The following VDAC1 variants were observed in gnomAD, a reference collection of about 807,000 sequenced individuals.
VDAC1 encodes the protein non-selective voltage-gated ion channel VDAC1.
Under a neutral mutation model 34.7 loss-of-function variants are expected in VDAC1, and 10 were observed. The observed-to-expected ratio is 0.29, with a 90% CI of 0.18 to 0.49. The LOEUF (loss-of-function observed/expected upper bound fraction) is 0.49, where lower values mean the gene tolerates loss of function less well. Among genes scored for constraint, VDAC1 ranks in the 20% least tolerant of loss-of-function variants. The probability of loss-of-function intolerance (pLI) is 0.99; values close to 1 mark genes in which losing one functional copy is unlikely to be tolerated. For missense variants in VDAC1, 230 were observed against 347.9 expected (o/e 0.66, Z 2.69); for synonymous variants, 130 against 136.0 (o/e 0.96, Z 0.30).
chr5:134,005,093 T>G (rs1423725228), upstream of VDAC1: 1 of 152,166 alleles, frequency 6.6e-6, no homozygotes, highest in Non-Finnish European at 1.5e-5. Context: ...GAGGAGGCCT[T>G]CCGATTCTCT....
Position 133,980,807 on chromosome 5 carries a change from T to C in VDAC1, c.473A>G (p.Glu158Gly). 2 of 1,611,532 alleles carry C rather than the reference T, an allele frequency of 1.2e-6. No homozygotes were observed. The highest frequency in any genetic ancestry group is 1.7e-6 in the Non-Finnish European group (2 of 1,179,274). ...GWLAGYQMNFETAKSRVTQSN... is the reference protein window; with the variant it reads ...GWLAGYQMNFGTAKSRVTQSN... Reference sequence around the variant, plus strand: ...CTGGGTCACTCGGGATTTTGCAGTCTCAAAATTCATCTGGTAGCCGGCCAG... The same window carrying C: ...CTGGGTCACTCGGGATTTTGCAGTCCCAAAATTCATCTGGTAGCCGGCCAG... The change falls in exon 6 of 9, where the codon GAG becomes GGG. Residue 158 changes from glutamate to glycine, a missense_variant. Coordinates refer to ENST00000265333, the MANE Select transcript of VDAC1 (RefSeq NM_003374.3).
At chr5:134,011,309 T>G in the VDAC1 span, among the ~76,000 whole-genome samples, 1 of 152,108 alleles carries the variant, frequency 6.6e-6, no homozygotes, top group Non-Finnish European at 1.5e-5. Flanking sequence ...CCCTCTGCCC[T>G]CTTTTTAATG....
the VDAC1 span, among the ~76,000 whole-genome samples, chr5:134,095,221 C>A: frequency 1.3e-5 from 2 of 152,078 alleles, no homozygotes; most frequent in African/African-American, 2.4e-5. Context: ...ATAACACACA[C>A]CTATAATCCC....
chr5:134,030,973 G>A, the VDAC1 span, among the ~76,000 whole-genome samples: 1 of 151,952 alleles, frequency 6.6e-6, no homozygotes, highest in Non-Finnish European at 1.5e-5. Context: ...CTGGAACAAG[G>A]CCCCTTCCCT....
the VDAC1 span, among the ~76,000 whole-genome samples, chr5:134,039,709 G>T: frequency 1.3e-5 from 2 of 152,196 alleles, no homozygotes; most frequent in Non-Finnish European, 2.9e-5. Context: ...TGCTATTAGA[G>T]AATTAGCCAC....
At chr5:134,090,909 G>C in the VDAC1 span, among the ~76,000 whole-genome samples, 37 of 152,280 alleles carry the variant, frequency 2.4e-4, no homozygotes, top group Non-Finnish European at 4.4e-4. Flanking sequence ...GGTAACCTAT[G>C]GTCCTTCTGA....
chr5:134,112,174 T>A, the VDAC1 span, among the ~76,000 whole-genome samples: 1 of 152,170 alleles, frequency 6.6e-6, no homozygotes, highest in East Asian at 1.9e-4. Context: ...CAGGCCCACA[T>A]GAAATCTACC....
chr5:134,056,985 G>A, the VDAC1 span, among the ~76,000 whole-genome samples: 12 of 151,082 alleles, frequency 7.9e-5, no homozygotes, highest in Middle Eastern at 3.4e-3. Context: ...CACCACGCCC[G>A]GCCCAAGATT....
At chr5:134,099,537 C>A in the VDAC1 span, among the ~76,000 whole-genome samples, 2 of 152,292 alleles carry the variant, frequency 1.3e-5, no homozygotes, top group African/African-American at 2.4e-5. Flanking sequence ...TGCTGCACGG[C>A]CTCCTGGAGG....
chr5:134,055,568 C>T, the VDAC1 span, among the ~76,000 whole-genome samples: 4 of 142,370 alleles, frequency 2.8e-5, no homozygotes, highest in Admixed American at 7.3e-5. Context: ...CATAGGCGCC[C>T]GCCACCACGC....
the VDAC1 span, among the ~76,000 whole-genome samples, chr5:134,018,322 C>T: frequency 1.3e-5 from 2 of 152,184 alleles, no homozygotes; most frequent in Non-Finnish European, 2.9e-5. Flanking sequence ...AGCATGAACT[C>T]ACTCATTACC....
intron 5 of VDAC1, among the ~76,000 whole-genome samples, chr5:133,987,707 T>C (rs200994944): frequency 0.21 from 31,420 of 152,070 alleles, 3,492 homozygotes; most frequent in East Asian, 0.45. Flanking sequence ...TGTTACTATT[T>C]TTGAGCAAAA....
the VDAC1 span, among the ~76,000 whole-genome samples, chr5:134,113,782 C>G: frequency 5.2e-4 from 79 of 152,360 alleles, 2 homozygotes; most frequent in African/African-American, 1.8e-3. Flanking sequence ...ATGTTTCAGC[C>G]TGGATCGAGC....
At chr5:134,006,222 G>T (rs1731580605), upstream of VDAC1, among the ~76,000 whole-genome samples, 1 of 152,146 alleles carries the variant, frequency 6.6e-6, no homozygotes, top group African/African-American at 2.4e-5. Flanking sequence ...CCAGGCGCAC[G>T]AGTTGCCTGG....
At chr5:134,082,994 TA>T in the VDAC1 span, among the ~76,000 whole-genome samples, 1 of 152,198 alleles carries the variant, frequency 6.6e-6, no homozygotes, top group African/African-American at 2.4e-5. Context: ...CTTTTATAGC[TA>T]AACTGGCAAG....
chr5:134,064,370 A>G, the VDAC1 span, among the ~76,000 whole-genome samples: 1 of 151,784 alleles, frequency 6.6e-6, no homozygotes, highest in African/African-American at 2.4e-5. Context: ...CAGTAGTGCA[A>G]TCTTGGCTCA....
chr5:133,992,922 G>A (rs1191144054), intron 2 of VDAC1, 24 bp downstream of exon 2: 2 of 1,606,086 alleles, frequency 1.2e-6, no homozygotes, highest in Middle Eastern at 1.7e-4. Context: ...GAGCTGAAAG[G>A]CACCCCCTCT....
the VDAC1 span, among the ~76,000 whole-genome samples, chr5:134,025,563 G>A: frequency 6.6e-6 from 1 of 151,766 alleles, no homozygotes; most frequent in Non-Finnish European, 1.5e-5. Context: ...AGTGATGGAG[G>A]TGATGTTTCC....
the VDAC1 span, among the ~76,000 whole-genome samples, chr5:134,041,686 G>A: frequency 6.6e-6 from 1 of 151,754 alleles, no homozygotes; most frequent in Admixed American, 6.5e-5. Context: ...ACAGCAAGGG[G>A]CCTTGGAGCC....
Sources: gnomAD v4.1 joint callset for allele counts (sites outside exome capture counted in the v4.1 genomes callset) on GRCh38, gnomAD v4.1.1 for gene constraint, MANE v1.5 for transcripts, NCBI Gene and HGNC (gene_info 2026-07-23, HGNC 2026-07-21) for gene names.